Variants in EYS observed in about 807,000 individuals in gnomAD.
EYS encodes the protein EGF-like photoreceptor maintenance factor.
EYS carries 250 observed loss-of-function variants against 282.1 expected under a neutral mutation model. That is an observed-to-expected ratio of 0.89 (90% CI 0.80 to 0.98). The LOEUF (loss-of-function observed/expected upper bound fraction) is 0.98, where lower values mean the gene tolerates loss of function less well. EYS is among the 50% of genes least tolerant of loss of function. The pLI, the probability that EYS is intolerant of heterozygous loss-of-function variation, is 0.00. For synonymous variants in EYS, 1,355 were observed against 1,282.9 expected (o/e 1.06, Z -1.20); for missense variants, 4,016 against 3,709.0 (o/e 1.08, Z -2.15).
At position 65,014,643 on chromosome 6, in the gene EYS, CA is replaced by C. The variant is rs1342735884; in HGVS notation, c.2138-16941del. On this transcript the variant is annotated intron_variant, in intron 13 of 42. Transcript: ENST00000503581. ...ATCAATATGAATGGAACACAAAATA[CA>C]GGGAAGAAGGAGATGCATTACCACA... Among the ~76,000 whole-genome samples the C allele has an allele frequency of 2.0e-5, 3 of 152,026 alleles. No homozygotes were observed. The East Asian group carries it at 5.8e-4, about 29-fold the overall frequency.
intron 14 of EYS, among the ~76,000 whole-genome samples, chr6:64,956,042 A>G (rs1377527084): frequency 6.6e-6 from 1 of 152,190 alleles, no homozygotes. Flanking sequence ...CATTCAGTGT[A>G]ATCTCTATCA....
intron 2 of EYS, among the ~76,000 whole-genome samples, chr6:65,625,084 G>A (rs1367603976): frequency 6.6e-6 from 1 of 152,168 alleles, no homozygotes; most frequent in African/African-American, 2.4e-5. Flanking sequence ...CCTAGAGGAA[G>A]GGGGCTGTTA....
intron 34 of EYS, among the ~76,000 whole-genome samples, chr6:63,996,269 A>T (rs2149800233): frequency 6.6e-6 from 1 of 152,206 alleles, no homozygotes; most frequent in East Asian, 1.9e-4. Context: ...AGGTATAGAA[A>T]GTAAACTCAT....
At chr6:64,055,552 A>G (rs534329319) in intron 33 of EYS, among the ~76,000 whole-genome samples, 1 of 152,240 alleles carries the variant, frequency 6.6e-6, no homozygotes, top group Admixed American at 6.5e-5. Context: ...AAGCAGAATG[A>G]ATCTATAAAG....
chr6:64,334,525 A>G (rs1770770835), intron 29 of EYS, among the ~76,000 whole-genome samples: 2 of 152,198 alleles, frequency 1.3e-5, no homozygotes, highest in Admixed American at 1.3e-4. Context: ...TGGACTGGCC[A>G]GCTGGGCACA....
chr6:64,288,530 T>C (rs540340001), intron 30 of EYS, among the ~76,000 whole-genome samples: 3 of 152,268 alleles, frequency 2.0e-5, no homozygotes, highest in East Asian at 1.9e-4. Flanking sequence ...AAGTCATTTA[T>C]ACGGCCTTCA....
In EYS at chr6:64,615,281, C is replaced by T. The variant is rs138767063; in HGVS notation, c.3684+2137G>A. Among the ~76,000 whole-genome samples, 7 of 152,158 alleles carry T rather than the reference C, an allele frequency of 4.6e-5. No individual in the cohort carries two copies. The East Asian group carries it at 1.4e-3, about 29-fold the overall frequency. The stretch of plus-strand genomic sequence containing the variant: ...GTACCCATGAAGTTTCACATTTCCC[C>T]ATGGTTGTGATTTTTATTCTTTTAA... On this transcript the variant is annotated intron_variant, in intron 24 of 42. Transcript: ENST00000503581.
intron 22 of EYS, among the ~76,000 whole-genome samples, chr6:64,702,420 ACTGTATAATAT>A (rs1770823791): frequency 6.6e-6 from 1 of 152,086 alleles, no homozygotes; most frequent in African/African-American, 2.4e-5. Context: ...AAAATTTAAA[ACTGTATAATAT>A]AGACATTAAA....
chr6:64,315,499 G>T (rs1033728413), intron 29 of EYS, among the ~76,000 whole-genome samples: 1 of 146,342 alleles, frequency 6.8e-6, no homozygotes, highest in Non-Finnish European at 1.5e-5. Context: ...CCTTATGAAC[G>T]TCGATGAGAA....
rs1389349362 is a variant in EYS, at chr6:64,439,659, A to G, written c.5645-307T>C. 4.6e-5 allele frequency among the ~76,000 whole-genome samples: 7 copies of G among 151,870 alleles called. No individual in the cohort carries two copies. The East Asian group carries it at 1.3e-3, about 29-fold the overall frequency. ...AAAAGGGCACATTTTCTAAATATGT[A>G]CTTATTTCTTCTTTATATAAGATAT... On this transcript the variant is annotated intron_variant, in intron 26 of 42. Coordinates refer to ENST00000503581, the MANE Select transcript of EYS (RefSeq NM_001142800.2).
chr6:65,087,672 C>A (rs1416146976), intron 12 of EYS, among the ~76,000 whole-genome samples: 1 of 152,124 alleles, frequency 6.6e-6, no homozygotes, highest in Admixed American at 6.6e-5. Context: ...CACTAAACCC[C>A]TCATGTCTAT....
intron 8 of EYS, 129 bp downstream of exon 8, chr6:65,384,257 C>A: frequency 3.1e-6 from 2 of 642,608 alleles, no homozygotes; most frequent in Non-Finnish European, 5.6e-6. Context: ...TTACATAACT[C>A]ACATTTAAAT....
chr6:64,944,223 G>A (rs1470970715), intron 15 of EYS, among the ~76,000 whole-genome samples: 1 of 151,916 alleles, frequency 6.6e-6, no homozygotes. Flanking sequence ...AGTAACCCAG[G>A]ATGGACTAAA....
intron 28 of EYS, among the ~76,000 whole-genome samples, chr6:64,405,993 T>C (rs371775255): frequency 2.0e-5 from 3 of 152,074 alleles, no homozygotes; most frequent in East Asian, 3.8e-4. Context: ...AAAAATCCCA[T>C]ATAGCCAAGA....
chr6:64,911,240 C>A (rs1767982225), intron 16 of EYS, among the ~76,000 whole-genome samples: 1 of 151,980 alleles, frequency 6.6e-6, no homozygotes, highest in African/African-American at 2.4e-5. Flanking sequence ...CAAATGCTCC[C>A]CTTGTATTTT....
chr6:64,534,284 A>G (rs1764450779), intron 26 of EYS, among the ~76,000 whole-genome samples: 1 of 151,714 alleles, frequency 6.6e-6, no homozygotes, highest in South Asian at 2.1e-4. Context: ...ATTAGCTACT[A>G]AACTTTTTTT....
chr6:65,266,127 T>G (rs183307695), intron 12 of EYS, among the ~76,000 whole-genome samples: 157 of 152,084 alleles, frequency 1.0e-3, no homozygotes, highest in Admixed American at 5.8e-3. Flanking sequence ...AATTTTTATA[T>G]TTTATTTTGC....
In EYS at chr6:64,230,819, T is replaced by G. The variant is rs891669766; in HGVS notation, c.6197A>C (p.Gln2066Pro). The change falls in exon 31 of 43, where the codon CAG (glutamine) becomes CCG (proline). Residue 2066 changes from glutamine (Q) to proline (P), a missense_variant. Coordinates refer to ENST00000503581, the MANE Select transcript of EYS (RefSeq NM_001142800.2). ...GGCTGTTGGAGACAGCATAAATCCC[T>G]GGGATCTGTGATTTATAAACAGACA... ...KNYHINNCRS[Q>P]GFMLSPTASF... 1.1e-5 allele frequency: 17 copies of G among 1,532,850 alleles called. No homozygotes were observed. The highest frequency in any genetic ancestry group is 1.4e-5 in the Non-Finnish European group (16 of 1,131,954). 95.0% of individuals were successfully genotyped at this position (1,532,850 alleles called of 1,614,324 possible).
chr6:65,329,755 A>G, intron 11 of EYS: 1 of 977,186 alleles, frequency 1.0e-6, no homozygotes. Flanking sequence ...GACTTTTGGG[A>G]TCAGAAATAA....
Sources: gnomAD v4.1 joint callset for allele counts (sites outside exome capture counted in the v4.1 genomes callset) on GRCh38, gnomAD v4.1.1 for gene constraint, MANE v1.5 for transcripts, NCBI Gene and HGNC (gene_info 2026-07-23, HGNC 2026-07-21) for gene names.